DNM3: variants seen among roughly 807,000 people sequenced by gnomAD.
The protein encoded by DNM3 is dynamin-3.
Under a neutral mutation model 101.6 loss-of-function variants are expected in DNM3, and 47 were observed. That is an observed-to-expected ratio of 0.46 (90% confidence interval 0.37 to 0.59). The LOEUF is 0.59. Among genes scored for constraint, DNM3 ranks in the 20% least tolerant of loss-of-function variants. DNM3 has a pLI of 0.00. For synonymous variants in DNM3, 385 were observed against 387.9 expected (o/e 0.99, Z 0.09); for missense variants, 849 against 1,085.7 (o/e 0.78, Z 3.06).
chr1:172,396,159 A>G (rs2069976431), intron 20 of DNM3, among the ~76,000 whole-genome samples: 1 of 152,200 alleles, frequency 6.6e-6, no homozygotes, highest in African/African-American at 2.4e-5. Context: ...TCCCATAAGC[A>G]CTAGGAAATG....
At chr1:172,374,840 T>C (rs1284787237) in intron 17 of DNM3, among the ~76,000 whole-genome samples, 1 of 152,136 alleles carries the variant, frequency 6.6e-6, no homozygotes, top group Non-Finnish European at 1.5e-5. Flanking sequence ...TTACAATATC[T>C]GTGATTTTTG....
chr1:172,008,982 A>G (rs929028257), intron 4 of DNM3, among the ~76,000 whole-genome samples: 4 of 125,632 alleles, frequency 3.2e-5, no homozygotes, highest in Non-Finnish European at 4.7e-5. Flanking sequence ...AACCTATAAC[A>G]TATGCATATA....
intron 1 of DNM3, among the ~76,000 whole-genome samples, chr1:171,842,405 G>A (rs1384512977): frequency 6.6e-6 from 1 of 152,184 alleles, no homozygotes; most frequent in African/African-American, 2.4e-5. Flanking sequence ...GAAAGACGTC[G>A]TTTGTTGTGG....
At chr1:172,316,063 A>G (rs986109154) in intron 16 of DNM3, among the ~76,000 whole-genome samples, 1 of 152,240 alleles carries the variant, frequency 6.6e-6, no homozygotes, top group Non-Finnish European at 1.5e-5. Flanking sequence ...TACAAGCCAG[A>G]AGAGAGTGGG....
intron 1 of DNM3, among the ~76,000 whole-genome samples, chr1:171,871,191 T>C (rs771511229): frequency 1.3e-5 from 2 of 152,172 alleles, no homozygotes; most frequent in Non-Finnish European, 2.9e-5. Context: ...TGCAATTATG[T>C]ATGTGCTCAC....
At chr1:172,051,295 A>G (rs963012418) in intron 10 of DNM3, among the ~76,000 whole-genome samples, 2 of 152,096 alleles carry the variant, frequency 1.3e-5, no homozygotes, top group Admixed American at 6.6e-5. Flanking sequence ...CCTGTTCCTT[A>G]TATTCACTGT....
chr1:172,299,992 C>T (rs1467306679), intron 15 of DNM3, among the ~76,000 whole-genome samples: 1 of 152,136 alleles, frequency 6.6e-6, no homozygotes, highest in Non-Finnish European at 1.5e-5. Context: ...AACTAATTTA[C>T]ATTCCTACCA....
intron 20 of DNM3, chr1:172,418,255 G>T: frequency 7.9e-7 from 1 of 1,268,182 alleles, no homozygotes; most frequent in Non-Finnish European, 1.0e-6. Context: ...TTGTTATTTT[G>T]TTTTGTTTTG....
intron 17 of DNM3, among the ~76,000 whole-genome samples, chr1:172,345,071 A>G (rs773346553): frequency 3.3e-5 from 5 of 152,228 alleles, no homozygotes; most frequent in Admixed American, 6.5e-5. Flanking sequence ...AGATGTGCCT[A>G]GAGTTTTTCT....
intron 2 of DNM3, among the ~76,000 whole-genome samples, chr1:171,954,483 A>G (rs1369502358): frequency 6.6e-6 from 1 of 152,198 alleles, no homozygotes; most frequent in East Asian, 1.9e-4. Context: ...TTCTGGATGC[A>G]AAGTATATTG....
At position 172,043,617 on chromosome 1, in the gene DNM3, T is replaced by C. The variant is rs1454297916; in HGVS notation, c.1129-768T>C. Among the ~76,000 whole-genome samples the C allele has an allele frequency of 1.3e-5, 2 of 151,780 alleles. 1 individual carries two copies. The highest frequency in any genetic ancestry group is 2.9e-5 in the Non-Finnish European group (2 of 67,944). ...GAGCAGCTAGTTAAGCAGGAAGAGG[T>C]AGGCTACAGGAGGGGGTGATCCAGA... On this transcript the variant is annotated intron_variant, in intron 8 of 20. Transcript: ENST00000627582.
chr1:172,169,120 T>G (rs916879972), intron 14 of DNM3, among the ~76,000 whole-genome samples: 1 of 151,912 alleles, frequency 6.6e-6, no homozygotes, highest in African/African-American at 2.4e-5. Flanking sequence ...TGCAATTTTT[T>G]TTATAAGACA....
At chr1:172,284,000 A>G (rs1253000486) in intron 15 of DNM3, among the ~76,000 whole-genome samples, 1 of 152,008 alleles carries the variant, frequency 6.6e-6, no homozygotes, top group East Asian at 1.9e-4. Flanking sequence ...TGTTGCTACA[A>G]TTTTCTCTTT....
intron 14 of DNM3, among the ~76,000 whole-genome samples, chr1:172,233,861 CA>C (rs2061433695): frequency 6.6e-6 from 1 of 152,144 alleles, no homozygotes; most frequent in Non-Finnish European, 1.5e-5. Flanking sequence ...TAAAAACTCT[CA>C]ATAAATTAGG....
At position 172,253,699 on chromosome 1, in the gene DNM3, G is replaced by A. The variant is rs769900546; in HGVS notation, c.1769+17G>A. On this transcript the variant is annotated intron_variant, in intron 15 of 20. Transcript: ENST00000627582. Reference sequence around the variant, plus strand: ...AGAGCAAAGGTAAGAAATTGAAACAGTTCCTGTCTTCAGATTTTTTTCCTT... The same window carrying A: ...AGAGCAAAGGTAAGAAATTGAAACAATTCCTGTCTTCAGATTTTTTTCCTT... The A allele has an allele frequency of 6.7e-6, 10 of 1,499,778 alleles. No individual in the cohort carries two copies. The South Asian group carries it at 1.0e-4, about 16-fold the overall frequency. The allele number at this position is 1,499,778 out of a possible 1,614,324, so 92.9% of individuals were successfully genotyped here.
At chr1:172,022,083 T>C (rs577016725) in intron 4 of DNM3, among the ~76,000 whole-genome samples, 3 of 152,288 alleles carry the variant, frequency 2.0e-5, no homozygotes, top group African/African-American at 7.2e-5. Flanking sequence ...AAAAATTTAG[T>C]GATTAAAAAT....
At chr1:172,303,851 A>T (rs1573377259) in intron 15 of DNM3, among the ~76,000 whole-genome samples, 1 of 152,120 alleles carries the variant, frequency 6.6e-6, no homozygotes, top group East Asian at 1.9e-4. Flanking sequence ...TCACCACCAG[A>T]CCTGCCTTAT....
chr1:171,948,612 T>G (rs1340393185), intron 2 of DNM3, among the ~76,000 whole-genome samples: 1 of 152,114 alleles, frequency 6.6e-6, no homozygotes, highest in Non-Finnish European at 1.5e-5. Flanking sequence ...CTTGGGTAAT[T>G]GAAAGAAATG....
intron 13 of DNM3, among the ~76,000 whole-genome samples, chr1:172,130,225 A>T (rs2056861705): frequency 6.6e-6 from 1 of 152,152 alleles, no homozygotes. Context: ...ATATTGAGGA[A>T]TTTCAGTGTA....
Sources: gnomAD v4.1 joint callset for allele counts (sites outside exome capture counted in the v4.1 genomes callset) on GRCh38, gnomAD v4.1.1 for gene constraint, MANE v1.5 for transcripts, NCBI Gene and HGNC (gene_info 2026-07-23, HGNC 2026-07-21) for gene names.